Variants in MREG observed in about 807,000 individuals in gnomAD.
MREG encodes dilute suppressor protein homolog.
Under a neutral mutation model 28.5 loss-of-function variants are expected in MREG, and 31 were observed. That is an observed-to-expected ratio of 1.09 (90% CI 0.82 to 1.47). The LOEUF (loss-of-function observed/expected upper bound fraction) is 1.47. MREG is among the 40% of genes most tolerant of loss of function. The pLI, the probability that MREG is intolerant of heterozygous loss-of-function variation, is 0.00. For synonymous variants in MREG, 106 were observed against 95.2 expected, an observed-to-expected ratio of 1.11 and a Z score of -0.66; for missense variants, 256 against 257.4, an observed-to-expected ratio of 0.99 and a Z score of 0.04.
intron 1 of MREG, among the ~76,000 whole-genome samples, chr2:215,997,768 A>G (rs1574640782): frequency 6.6e-6 from 1 of 152,318 alleles, no homozygotes; most frequent in East Asian, 1.9e-4. Flanking sequence ...TTAAGTGGAA[A>G]AACAAGAACA....
intron 1 of MREG, among the ~76,000 whole-genome samples, chr2:216,005,842 TAAAAAAAAA>T (rs35179294): frequency 7.9e-6 from 1 of 125,928 alleles, no homozygotes; most frequent in East Asian, 2.2e-4. Context: ...AAGATTTTTG[TAAAAAAAAA>T]AAAAAAAAAA....
chr2:216,012,451 T>C (rs975076026), intron 1 of MREG, among the ~76,000 whole-genome samples: 1 of 152,224 alleles, frequency 6.6e-6, no homozygotes, highest in African/African-American at 2.4e-5. Flanking sequence ...TAGTATTTGC[T>C]TACTCAACCC....
downstream of MREG, among the ~76,000 whole-genome samples, chr2:215,939,974 A>G (rs1197548199): frequency 6.6e-6 from 1 of 152,194 alleles, no homozygotes; most frequent in African/African-American, 2.4e-5. Context: ...TCATTATTTT[A>G]TTTCTGTATT....
At chr2:216,011,858 A>G (rs981986674) in intron 1 of MREG, among the ~76,000 whole-genome samples, 1 of 152,252 alleles carries the variant, frequency 6.6e-6, no homozygotes, top group Non-Finnish European at 1.5e-5. Context: ...AGTTCAGTGT[A>G]TAACCTAAGC....
At chr2:215,962,842 T>C (rs1255052391) in intron 2 of MREG, among the ~76,000 whole-genome samples, 1 of 152,040 alleles carries the variant, frequency 6.6e-6, no homozygotes, top group African/African-American at 2.4e-5. Context: ...TTTTGAAGAC[T>C]TAAGAAAAAA....
At chr2:216,013,854 G>T (rs757680356), upstream of MREG, among the ~76,000 whole-genome samples, 1 of 151,702 alleles carries the variant, frequency 6.6e-6, no homozygotes, top group African/African-American at 2.4e-5. Context: ...GCATGTTTTT[G>T]ATGTCAGCTC....
At chr2:215,966,595 T>A (rs1692945379) in intron 2 of MREG, among the ~76,000 whole-genome samples, 1 of 151,072 alleles carries the variant, frequency 6.6e-6, no homozygotes, top group African/African-American at 2.5e-5. Context: ...TTGTAAAACA[T>A]TTTCCCTTTT....
At chr2:216,013,747 G>A (rs1694381133), upstream of MREG, 1 of 152,142 alleles carries the variant, frequency 6.6e-6, no homozygotes, top group African/African-American at 2.4e-5. Flanking sequence ...AGAGCACGAG[G>A]TTGGGCTGAA....
chr2:216,007,733 A>G (rs938586984), intron 1 of MREG, among the ~76,000 whole-genome samples: 2 of 112,738 alleles, frequency 1.8e-5, no homozygotes, highest in African/African-American at 6.6e-5. Context: ...CCCAACCCCC[A>G]CTTAGCGGCT....
Position 215,994,617 on chromosome 2 carries a change from GAA to G in MREG, c.255+1687_255+1688del, listed in dbSNP as rs1693813076. ...AGAAGAAGGAGAAGAAGAGGAAGAA[GAA>G]GAGAAGAAGGAGGGGGAGGAGGAGG... On this transcript the variant is annotated intron_variant, in intron 2 of 4. Transcript: ENST00000263268. Among the ~76,000 whole-genome samples, 21 of 45,236 alleles carry G rather than the reference GAA, an allele frequency of 4.6e-4. No homozygotes were observed. The Admixed American group carries it at 5.7e-3, about 12-fold the overall frequency. 29.7% of individuals were successfully genotyped at this position (45,236 alleles called of 152,430 possible).
At chr2:216,002,218 C>T (rs3770562) in intron 1 of MREG, among the ~76,000 whole-genome samples, 1 of 151,974 alleles carries the variant, frequency 6.6e-6, no homozygotes, top group East Asian at 1.9e-4. Flanking sequence ...CTTAATCCCA[C>T]CCAGGGGCTC....
At chr2:215,971,029 C>T (rs1693076520) in intron 2 of MREG, among the ~76,000 whole-genome samples, 1 of 152,026 alleles carries the variant, frequency 6.6e-6, no homozygotes, top group Admixed American at 6.6e-5. Context: ...AGCAAACTAA[C>T]ACAGGAACAG....
At chr2:216,032,262 A>G (rs1694721800) in intron 1 of MREG, among the ~76,000 whole-genome samples, 1 of 152,266 alleles carries the variant, frequency 6.6e-6, no homozygotes, top group East Asian at 1.9e-4. Flanking sequence ...AGAGAAATGA[A>G]AACAAAAGCC....
At chr2:215,999,979 G>A (rs1693973014) in intron 1 of MREG, among the ~76,000 whole-genome samples, 1 of 152,216 alleles carries the variant, frequency 6.6e-6, no homozygotes, top group South Asian at 2.1e-4. Context: ...GAGAATAGGT[G>A]AGTCAAGAAA....
At chr2:216,025,433 T>C (rs1694580997) in intron 1 of MREG, among the ~76,000 whole-genome samples, 1 of 152,212 alleles carries the variant, frequency 6.6e-6, no homozygotes, top group Non-Finnish European at 1.5e-5. Context: ...AACTCTGAGA[T>C]GGAATTTAGC....
At chr2:216,015,506 A>G (rs1694435784), upstream of MREG, among the ~76,000 whole-genome samples, 1 of 152,002 alleles carries the variant, frequency 6.6e-6, no homozygotes, top group Non-Finnish European at 1.5e-5. Flanking sequence ...GATTGCAAGG[A>G]CTCTGGATTT....
At chr2:215,991,259 A>G (rs1314439761) in intron 2 of MREG, among the ~76,000 whole-genome samples, 7 of 152,218 alleles carry the variant, frequency 4.6e-5, no homozygotes, top group African/African-American at 1.7e-4. Flanking sequence ...ACAAAACTAC[A>G]TGGAAACTGA....
chr2:216,027,538 C>T (rs1408833485), intron 1 of MREG, among the ~76,000 whole-genome samples: 1 of 152,082 alleles, frequency 6.6e-6, no homozygotes, highest in African/African-American at 2.4e-5. Flanking sequence ...ACTAAAAATA[C>T]AAAAATTAGC....
intron 2 of MREG, among the ~76,000 whole-genome samples, chr2:215,975,058 G>A (rs545551793): frequency 8.7e-6 from 1 of 115,260 alleles, no homozygotes; most frequent in African/African-American, 3.0e-5. Flanking sequence ...TATTCAAACT[G>A]TACAGAAAAC....
Sources: allele counts gnomAD v4.1 joint callset (sites outside exome capture counted in the v4.1 genomes callset), GRCh38; gene constraint gnomAD v4.1.1; transcripts MANE v1.5; gene names NCBI Gene and HGNC (gene_info 2026-07-23, HGNC 2026-07-21).